The following GPC5 variants were observed in gnomAD, a reference collection of about 807,000 sequenced individuals.
GPC5 encodes the protein glypican 5.
Under a neutral mutation model 53.9 loss-of-function variants are expected in GPC5, and 47 were observed. That is an observed-to-expected ratio of 0.87 (90% CI 0.69 to 1.11). The LOEUF (loss-of-function observed/expected upper bound fraction) is 1.11, where lower values mean the gene tolerates loss of function less well. GPC5 is among the 50% of genes most tolerant of loss of function. GPC5 has a pLI of 0.00. For synonymous variants in GPC5, 286 were observed against 263.3 expected (o/e 1.09, Z -0.84); for missense variants, 748 against 713.1 (o/e 1.05, Z -0.56).
chr13:91,598,909 A>G (rs967268407), intron 2 of GPC5, among the ~76,000 whole-genome samples: 3 of 152,168 alleles, frequency 2.0e-5, no homozygotes, highest in Admixed American at 6.5e-5. Flanking sequence ...AAGATTTGCA[A>G]TACTAGTTAA....
chr13:92,115,807 C>T (rs1429963787), intron 6 of GPC5, among the ~76,000 whole-genome samples: 1 of 152,018 alleles, frequency 6.6e-6, no homozygotes, highest in African/African-American at 2.4e-5. Context: ...GTGGTGCACC[C>T]CCCACCCCCA....
chr13:92,260,306 C>T (rs2042757071), intron 7 of GPC5, among the ~76,000 whole-genome samples: 1 of 152,134 alleles, frequency 6.6e-6, no homozygotes, highest in African/African-American at 2.4e-5. Context: ...CTTCTAAGCC[C>T]CTTCTTGGAA....
intron 7 of GPC5, among the ~76,000 whole-genome samples, chr13:92,791,651 T>G (rs1381066299): frequency 6.6e-6 from 1 of 152,118 alleles, no homozygotes; most frequent in Non-Finnish European, 1.5e-5. Context: ...TAGTCTAATT[T>G]TCAAACATGA....
In GPC5 at chr13:91,398,715, GTT is replaced by G; in HGVS notation, c.-331_-330del. 3.7e-6 allele frequency: 1 copy of G among 272,174 alleles called. No homozygotes were observed. Among genetic ancestry groups the G allele is most frequent in the Non-Finnish European group, 6.8e-6 (1 of 147,068 alleles). 16.9% of individuals were successfully genotyped at this position (272,174 alleles called of 1,614,324 possible). On this transcript the variant is annotated 5_prime_UTR_variant, in exon 1 of 8. Transcript: ENST00000377067. ...GGCGGCAGTGGCGGCAGCGGCAGCA[GTT>G]GCAGCAGTGGTGGCCAGAGCGGATG... is the stretch of plus-strand genomic sequence containing the variant.
At chr13:92,112,761 T>C (rs928175656) in intron 6 of GPC5, among the ~76,000 whole-genome samples, 1 of 152,156 alleles carries the variant, frequency 6.6e-6, no homozygotes, top group Non-Finnish European at 1.5e-5. Context: ...TATATATGTA[T>C]GTGTTGTGAA....
chr13:91,715,986 C>T (rs1347752167), intron 3 of GPC5, among the ~76,000 whole-genome samples: 2 of 151,960 alleles, frequency 1.3e-5, no homozygotes. Flanking sequence ...ACTCTGTATC[C>T]CAGGCTAATC....
chr13:91,920,721 T>A (rs980876179), intron 6 of GPC5, among the ~76,000 whole-genome samples: 1 of 152,066 alleles, frequency 6.6e-6, no homozygotes, highest in Admixed American at 6.6e-5. Flanking sequence ...GGCATCAGAT[T>A]TGTAGCTGTA....
At chr13:92,732,934 C>G (rs1048722991) in intron 7 of GPC5, among the ~76,000 whole-genome samples, 1 of 151,562 alleles carries the variant, frequency 6.6e-6, no homozygotes, top group African/African-American at 2.4e-5. Context: ...CAATTTTGCT[C>G]CCAGGTTTTT....
chr13:92,295,602 G>C (rs1271430113), intron 7 of GPC5, among the ~76,000 whole-genome samples: 1 of 152,106 alleles, frequency 6.6e-6, no homozygotes, highest in East Asian at 1.9e-4. Context: ...TCATTTCTTA[G>C]ATCTATTAGT....
intron 7 of GPC5, among the ~76,000 whole-genome samples, chr13:92,172,678 A>G (rs947020503): frequency 5.3e-5 from 8 of 152,120 alleles, no homozygotes; most frequent in African/African-American, 1.9e-4. Context: ...TCAGAGAAAG[A>G]GCCATTTATA....
At chr13:92,600,994 C>T (rs1884032827) in intron 7 of GPC5, among the ~76,000 whole-genome samples, 1 of 152,072 alleles carries the variant, frequency 6.6e-6, no homozygotes, top group South Asian at 2.1e-4. Context: ...TCATCCTTAC[C>T]ACCCTTTCAC....
At chr13:92,441,838 TA>T (rs1300515114) in intron 7 of GPC5, among the ~76,000 whole-genome samples, 2 of 152,188 alleles carry the variant, frequency 1.3e-5, no homozygotes, top group Non-Finnish European at 2.9e-5. Context: ...AAAACTACTC[TA>T]AAATTCATAT....
intron 6 of GPC5, among the ~76,000 whole-genome samples, chr13:92,062,512 G>A (rs1420325054): frequency 6.6e-6 from 1 of 151,886 alleles, no homozygotes; most frequent in Non-Finnish European, 1.5e-5. Flanking sequence ...TCGTAAAATA[G>A]CTACTACTAT....
intron 6 of GPC5, among the ~76,000 whole-genome samples, chr13:91,935,817 T>C (rs940444958): frequency 1.3e-5 from 2 of 152,002 alleles, no homozygotes; most frequent in African/African-American, 4.8e-5. Context: ...CCTTAAAGGA[T>C]AAGTTAGACC....
rs534190769 is a variant in GPC5, at chr13:91,718,333, A to G, written c.1021-10199A>G. The stretch of plus-strand genomic sequence containing the variant: ...CACCATGTTAGCTAGGATGGTCTCA[A>G]TCTCCTGACCTCGTGATCCACCCGC... On this transcript the variant is annotated intron_variant, in intron 3 of 7. Transcript: ENST00000377067. Among the ~76,000 whole-genome samples the G allele has an allele frequency of 1.9e-3, 293 of 151,926 alleles. 6 individuals carry two copies. Among genetic ancestry groups the G allele is most frequent in the African/African-American group, 6.9e-3 (285 of 41,412 alleles).
intron 5 of GPC5, among the ~76,000 whole-genome samples, chr13:91,900,767 G>A (rs1479690177): frequency 6.6e-6 from 1 of 152,036 alleles, no homozygotes; most frequent in Admixed American, 6.6e-5. Flanking sequence ...TTTTAATTAG[G>A]TAGGTAATTT....
chr13:92,752,341 C>T (rs533149696), intron 7 of GPC5, among the ~76,000 whole-genome samples: 1 of 152,222 alleles, frequency 6.6e-6, no homozygotes, highest in African/African-American at 2.4e-5. Context: ...CTCTTCAGAA[C>T]CAATGCTTTA....
intron 2 of GPC5, among the ~76,000 whole-genome samples, chr13:91,499,782 A>G (rs571237398): frequency 6.6e-6 from 1 of 152,288 alleles, no homozygotes; most frequent in East Asian, 1.9e-4. Flanking sequence ...CTCAACTCCT[A>G]AGTTTGGTAA....
At chr13:91,961,850 T>C (rs562252385) in intron 6 of GPC5, among the ~76,000 whole-genome samples, 1 of 152,178 alleles carries the variant, frequency 6.6e-6, no homozygotes, top group South Asian at 2.1e-4. Context: ...GAGTTTGTGA[T>C]TGATGAGGAG....
Sources: gnomAD v4.1 joint callset for allele counts (sites outside exome capture counted in the v4.1 genomes callset) on GRCh38, gnomAD v4.1.1 for gene constraint, MANE v1.5 for transcripts, NCBI Gene and HGNC (gene_info 2026-07-23, HGNC 2026-07-21) for gene names.